The following TSPAN7 variants were observed in gnomAD, a reference collection of about 807,000 sequenced individuals.
TSPAN7 encodes the protein tetraspanin-7.
A neutral mutation model predicts 17.6 loss-of-function variants in TSPAN7; 1 was observed. The ratio of observed to expected loss-of-function variants is 0.06; its 90% CI spans 0.02 to 0.27. The LOEUF is 0.27. Ranked by LOEUF, TSPAN7 falls within the 10% of genes least tolerant of loss-of-function variation. The pLI, the probability that TSPAN7 is intolerant of heterozygous loss-of-function variation, is 1.00. For missense variants in TSPAN7, 112 were observed against 201.7 expected (o/e 0.56, Z 2.69); for synonymous variants, 78 against 79.0 (o/e 0.99, Z 0.07).
intron 1 of TSPAN7, among the ~76,000 whole-genome samples, chrX:38,619,175 C>T (rs1459885613): frequency 9.0e-6 from 1 of 110,801 alleles, no homozygotes; most frequent in Non-Finnish European, 1.9e-5. Context: ...TGGGATATCT[C>T]AGGCCTCCTG....
In TSPAN7 at chrX:38,607,171, G is replaced by T. The variant is rs1190405284; in HGVS notation, c.81+45544G>T. Among the ~76,000 whole-genome samples the T allele has an allele frequency of 2.7e-5, 3 of 111,630 alleles. No homozygotes were observed. In the East Asian group the frequency reaches 8.5e-4, roughly 32 times the overall value. Reference sequence around the variant, plus strand: ...GTATGATGAATTTCATTAATCTAGTGATTTGTAAAAAGAGTTTGAATTAAA... The same window carrying T: ...GTATGATGAATTTCATTAATCTAGTTATTTGTAAAAAGAGTTTGAATTAAA... On this transcript the variant is annotated intron_variant, in intron 1 of 7. Transcript: ENST00000378482.
intron 1 of TSPAN7, among the ~76,000 whole-genome samples, chrX:38,584,633 C>G (rs760360165): frequency 1.3e-4 from 14 of 111,921 alleles, no homozygotes; most frequent in Non-Finnish European, 2.4e-4. Context: ...TTGAAAGACT[C>G]TTTATGTTGT....
intron 1 of TSPAN7, among the ~76,000 whole-genome samples, chrX:38,605,642 A>G (rs1357198768): frequency 8.3e-5 from 9 of 107,830 alleles, no homozygotes; most frequent in South Asian, 4.1e-4. Context: ...GAGGCATCAC[A>G]CTACCTGACT....
chrX:38,621,482 A>G (rs1386714857), intron 1 of TSPAN7, among the ~76,000 whole-genome samples: 2 of 112,183 alleles, frequency 1.8e-5, no homozygotes, highest in African/African-American at 6.5e-5. Flanking sequence ...ACTAAAACCA[A>G]CAATACAGCA....
intron 1 of TSPAN7, among the ~76,000 whole-genome samples, chrX:38,626,576 A>G (rs945569106): frequency 1.6e-4 from 18 of 111,162 alleles, no homozygotes; most frequent in African/African-American, 5.6e-4. Context: ...AGAAAGGGCC[A>G]CAAAAGATGC....
intron 1 of TSPAN7, among the ~76,000 whole-genome samples, chrX:38,604,904 G>A (rs1362995062): frequency 1.8e-5 from 2 of 110,332 alleles, no homozygotes; most frequent in Non-Finnish European, 3.8e-5. Context: ...TTGATGGGAC[G>A]TATCTCAAAA....
intron 3 of TSPAN7, among the ~76,000 whole-genome samples, chrX:38,672,803 C>T (rs776273538): frequency 8.9e-6 from 1 of 111,812 alleles, no homozygotes; most frequent in East Asian, 2.8e-4. Context: ...ACTCTGACCA[C>T]CAGCGCTGGT....
intron 1 of TSPAN7, among the ~76,000 whole-genome samples, chrX:38,572,992 T>G (rs889223758): frequency 3.6e-5 from 4 of 111,827 alleles, no homozygotes; most frequent in Non-Finnish European, 7.5e-5. Flanking sequence ...TTATTCTCTC[T>G]GAGCCCCAGT....
chrX:38,605,425 G>A (rs1401140170), intron 1 of TSPAN7, among the ~76,000 whole-genome samples: 1 of 111,102 alleles, frequency 9.0e-6, no homozygotes, highest in African/African-American at 3.3e-5. Context: ...ACAAACAAAT[G>A]GAAGAACATT....
At chrX:38,566,446 G>T (rs747499549) in intron 1 of TSPAN7, 34 of 566,333 alleles carry the variant, frequency 6.0e-5, no homozygotes, top group Admixed American at 1.6e-4. Flanking sequence ...ATGAATGAAT[G>T]AATTAATGAA....
chrX:38,661,864 G>C (rs1201836283), intron 1 of TSPAN7, among the ~76,000 whole-genome samples: 2 of 110,450 alleles, frequency 1.8e-5, no homozygotes, highest in African/African-American at 6.6e-5. Flanking sequence ...TTTTCAGTTC[G>C]AAAGTCATGT....
intron 1 of TSPAN7, among the ~76,000 whole-genome samples, chrX:38,577,088 A>G (rs1265555711): frequency 2.7e-5 from 3 of 111,775 alleles, no homozygotes; most frequent in Non-Finnish European, 5.6e-5. Context: ...ATGTGGCAAG[A>G]ATATTTGTGA....
intron 1 of TSPAN7, among the ~76,000 whole-genome samples, chrX:38,604,448 A>C (rs2069365535): frequency 9.1e-6 from 1 of 110,191 alleles, no homozygotes; most frequent in Admixed American, 9.6e-5. Flanking sequence ...GAATCGCCAC[A>C]CTGACTTCCA....
chrX:38,669,011 T>C (rs1405547188), intron 2 of TSPAN7, among the ~76,000 whole-genome samples: 1 of 109,929 alleles, frequency 9.1e-6, no homozygotes, highest in Non-Finnish European at 1.9e-5. Flanking sequence ...CACAGCTAGA[T>C]AGGAGGAATT....
intron 1 of TSPAN7, among the ~76,000 whole-genome samples, chrX:38,634,420 G>C (rs2069567982): frequency 8.9e-6 from 1 of 112,457 alleles, no homozygotes; most frequent in Non-Finnish European, 1.9e-5. Context: ...TCCATATCCT[G>C]TTAGAGATCT....
At chrX:38,576,771 T>A in intron 1 of TSPAN7, among the ~76,000 whole-genome samples, 1 of 111,720 alleles carries the variant, frequency 9.0e-6, no homozygotes, top group Non-Finnish European at 1.9e-5. Flanking sequence ...TAAGTTTAGC[T>A]GTAATAAAAA....
At chrX:38,674,416 G>A (rs973238571) in intron 4 of TSPAN7, 100 bp downstream of exon 4, 15 of 722,107 alleles carry the variant, frequency 2.1e-5, no homozygotes, top group African/African-American at 1.7e-4. Context: ...ATTTGTTCCC[G>A]TTCTTCAACT....
chrX:38,613,801 A>G (rs1225910926), intron 1 of TSPAN7, among the ~76,000 whole-genome samples: 1 of 110,348 alleles, frequency 9.1e-6, no homozygotes. Flanking sequence ...TCCTTTGGAT[A>G]TTTTCCTGGC....
chrX:38,685,111 A>T (rs943093477), intron 6 of TSPAN7, among the ~76,000 whole-genome samples: 9 of 111,415 alleles, frequency 8.1e-5, no homozygotes, highest in Non-Finnish European at 1.3e-4. Context: ...TGTGCTGGTC[A>T]TTCTTTTCTT....
Sources: allele counts gnomAD v4.1 joint callset (sites outside exome capture counted in the v4.1 genomes callset), GRCh38; gene constraint gnomAD v4.1.1; transcripts MANE v1.5; gene names NCBI Gene and HGNC (gene_info 2026-07-23, HGNC 2026-07-21).